COMMD7: variants seen among roughly 807,000 people sequenced by gnomAD.
COMMD7 encodes the protein COMM domain-containing protein 7.
A neutral mutation model predicts 34.8 loss-of-function variants in COMMD7; 28 were observed. That is an observed-to-expected ratio of 0.80 (90% CI 0.60 to 1.10). The LOEUF (loss-of-function observed/expected upper bound fraction) is 1.10. Ranked by LOEUF, COMMD7 falls within the 50% of genes least tolerant of loss-of-function variation. The pLI, the probability that COMMD7 is intolerant of heterozygous loss-of-function variation, is 0.00. For synonymous variants in COMMD7, 80 were observed against 86.4 expected, an observed-to-expected ratio of 0.93 and a Z score of 0.41; for missense variants, 211 against 241.6, an observed-to-expected ratio of 0.87 and a Z score of 0.84.
chr20:32,705,615 C>T (rs1240662990), intron 5 of COMMD7, among the ~76,000 whole-genome samples: 5 of 152,030 alleles, frequency 3.3e-5, no homozygotes, highest in African/African-American at 7.2e-5. Context: ...CCTCGTGATC[C>T]GCCCGCCTTG....
At chr20:32,743,236 G>GGGCCCCC in intron 1 of COMMD7, 72 bp downstream of exon 1, 9 of 555,850 alleles carry the variant, frequency 1.6e-5, no homozygotes, top group East Asian at 4.2e-5. Flanking sequence ...ACCCCCGGAC[G>GGGCCCCC]TCCCCCCCAC....
At position 32,719,370 on chromosome 20, in the gene COMMD7, G is replaced by A. The variant is rs112265783; in HGVS notation, c.241+8523C>T. Among the ~76,000 whole-genome samples, 60 of 152,276 alleles carry A rather than the reference G, an allele frequency of 3.9e-4. 1 individual carries two copies. The highest frequency in any genetic ancestry group is 1.3e-3 in the African/African-American group (56 of 41,552). The stretch of plus-strand genomic sequence containing the variant: ...AGGATAAGAAGGGGACAGGAAGGCC[G>A]GGAGCAGTGGCTCACACCTGTAATC... On this transcript the variant is annotated intron_variant, in intron 3 of 8. Transcript: ENST00000278980.
intron 5 of COMMD7, among the ~76,000 whole-genome samples, chr20:32,705,685 A>G (rs1984038571): frequency 6.6e-6 from 1 of 152,046 alleles, no homozygotes; most frequent in Non-Finnish European, 1.5e-5. Flanking sequence ...TAGGAGGTAT[A>G]TTTTTACAAG....
rs775453634 is a variant in COMMD7 at position 32,727,905 on chromosome 20, G to A, written c.229C>T (p.Leu77=). The A allele has an allele frequency of 6.8e-5, 109 of 1,613,300 alleles. No homozygotes were observed. Among genetic ancestry groups the A allele is most frequent in the Non-Finnish European group, 8.7e-5 (103 of 1,179,360 alleles). The part of the protein sequence containing the change: ...SLRSIVKSLL[L]VPNGALKKSL... Reference sequence around the variant, plus strand: ...AGAGGTTACTCACCATTTGGAACCAGAAGGAGGCTTTTCACGATGCTTCTG... The same window carrying A: ...AGAGGTTACTCACCATTTGGAACCAAAAGGAGGCTTTTCACGATGCTTCTG... The change falls in exon 3 of 9, where the codon CTG becomes TTG. Residue 77 remains leucine (L), a synonymous_variant. Coordinates refer to ENST00000278980, the MANE Select transcript of COMMD7 (RefSeq NM_053041.3).
chr20:32,732,139 G>C (rs933128272), intron 1 of COMMD7, among the ~76,000 whole-genome samples: 7 of 152,170 alleles, frequency 4.6e-5, no homozygotes, highest in African/African-American at 1.7e-4. Context: ...CTGGAGTGCA[G>C]TGGCGCAATC....
chr20:32,712,269 CAAAAAAAAAAAA>C (rs56096713), intron 3 of COMMD7, among the ~76,000 whole-genome samples: 25 of 71,842 alleles, frequency 3.5e-4, no homozygotes, highest in East Asian at 9.1e-4. Flanking sequence ...GACTCCGTCT[CAAAAAAAAAAAA>C]AAAAAAAAAA....
chr20:32,711,230 C>A (rs957010218), intron 3 of COMMD7, among the ~76,000 whole-genome samples: 1 of 152,044 alleles, frequency 6.6e-6, no homozygotes, highest in South Asian at 2.1e-4. Context: ...AACCCCGTCT[C>A]CACTAAAAAT....
At chr20:32,714,014 G>A (rs1335965506) in intron 3 of COMMD7, among the ~76,000 whole-genome samples, 1 of 152,192 alleles carries the variant, frequency 6.6e-6, no homozygotes, top group Admixed American at 6.5e-5. Flanking sequence ...TTGGGAGGCT[G>A]AGGCAGGAGA....
At chr20:32,715,471 G>A (rs576775718) in intron 3 of COMMD7, among the ~76,000 whole-genome samples, 13 of 141,444 alleles carry the variant, frequency 9.2e-5, no homozygotes, top group South Asian at 4.7e-4. Context: ...CAACACAGCC[G>A]GACCCAGTCT....
At chr20:32,732,112 T>C (rs1178008782) in intron 1 of COMMD7, among the ~76,000 whole-genome samples, 4 of 152,198 alleles carry the variant, frequency 2.6e-5, no homozygotes, top group African/African-American at 9.7e-5. Context: ...AGGCAGAGTC[T>C]GGCTCTGTCG....
intron 3 of COMMD7, among the ~76,000 whole-genome samples, chr20:32,711,204 C>A (rs1984418392): frequency 6.6e-6 from 1 of 152,048 alleles, no homozygotes; most frequent in African/African-American, 2.4e-5. Context: ...TGAGACCAGC[C>A]TGGTCAACGT....
intron 1 of COMMD7, among the ~76,000 whole-genome samples, chr20:32,736,068 G>T (rs1986117966): frequency 6.6e-6 from 1 of 152,132 alleles, no homozygotes; most frequent in Non-Finnish European, 1.5e-5. Flanking sequence ...ACCTGCTGTA[G>T]AAGATCACAA....
intron 5 of COMMD7, 56 bp downstream of exon 5, chr20:32,706,522 AAAAAG>A: frequency 1.4e-6 from 2 of 1,421,054 alleles, no homozygotes; most frequent in Admixed American, 2.0e-5. Flanking sequence ...CAAAAAAAAA[AAAAAG>A]AAAGAAAAGC....
intron 1 of COMMD7, among the ~76,000 whole-genome samples, chr20:32,735,736 C>T (rs1986102952): frequency 6.6e-6 from 1 of 152,136 alleles, no homozygotes. Flanking sequence ...CTCACTGCAG[C>T]TTCCAACTCC....
rs1003211706 is a variant in COMMD7 at position 32,706,623 on chromosome 20, A to G, written c.299-3T>C. 4 of 1,612,268 alleles carry G rather than the reference A, an allele frequency of 2.5e-6. No individual in the cohort carries two copies. The highest frequency in any genetic ancestry group is 2.2e-5 in the East Asian group (1 of 44,860). On this transcript the variant is annotated splice_polypyrimidine_tract_variant and splice_region_variant and intron_variant, in intron 4 of 8. Coordinates refer to ENST00000278980, the MANE Select transcript of COMMD7 (RefSeq NM_053041.3). Reference sequence around the variant, plus strand: ...AGTGGCTTTCTCCTCACTAAGACCTATAAGAGAACAGAAGGAGATATTAAC... The same window carrying G: ...AGTGGCTTTCTCCTCACTAAGACCTGTAAGAGAACAGAAGGAGATATTAAC...
intron 1 of COMMD7, among the ~76,000 whole-genome samples, chr20:32,734,977 C>A (rs1226016238): frequency 6.6e-6 from 1 of 151,670 alleles, no homozygotes; most frequent in Non-Finnish European, 1.5e-5. Context: ...GTGGCTCATG[C>A]CTGTAATCCT....
intron 3 of COMMD7, among the ~76,000 whole-genome samples, chr20:32,717,321 A>T (rs1307813521): frequency 7.1e-6 from 1 of 141,376 alleles, no homozygotes; most frequent in Non-Finnish European, 1.5e-5. Flanking sequence ...TGCCCAGTTA[A>T]TTTTTTTTTT....
chr20:32,703,699 T>A (rs1983881777), intron 8 of COMMD7: 1 of 1,439,134 alleles, frequency 6.9e-7, no homozygotes, highest in African/African-American at 1.4e-5. Flanking sequence ...CACAAAGAGA[T>A]GAAAGGGTAT....
chr20:32,728,208 G>C, intron 1 of COMMD7, 66 bp from the exon 2 acceptor site: 1 of 1,454,970 alleles, frequency 6.9e-7, no homozygotes, highest in Non-Finnish European at 9.6e-7. Flanking sequence ...CCCCACCCCA[G>C]GCAACTGCAT....
Sources: allele counts gnomAD v4.1 joint callset (sites outside exome capture counted in the v4.1 genomes callset), GRCh38; gene constraint gnomAD v4.1.1; transcripts MANE v1.5; gene names NCBI Gene and HGNC (gene_info 2026-07-23, HGNC 2026-07-21).